CEP112: variants seen among roughly 807,000 people sequenced by gnomAD.
The protein encoded by CEP112 is centrosomal protein 112, also known as centrosomal protein of 112 kDa.
Under a neutral mutation model 153.0 loss-of-function variants are expected in CEP112, and 127 were observed. The observed-to-expected ratio is 0.83, with a 90% confidence interval of 0.72 to 0.96. The LOEUF is 0.96. Among genes scored for constraint, CEP112 ranks in the 40% least tolerant of loss-of-function variants. The pLI, the probability that CEP112 is intolerant of heterozygous loss-of-function variation, is 0.00. For missense variants in CEP112, 1,089 were observed against 1,101.2 expected (o/e 0.99, Z 0.16); for synonymous variants, 358 against 374.4 (o/e 0.96, Z 0.51).
At chr17:65,715,474 G>A (rs1443343983) in intron 23 of CEP112, among the ~76,000 whole-genome samples, 3 of 151,732 alleles carry the variant, frequency 2.0e-5, no homozygotes, top group South Asian at 2.1e-4. Context: ...TTTTTTAGAC[G>A]GAGTCTTGCT....
intron 19 of CEP112, among the ~76,000 whole-genome samples, chr17:65,923,149 AT>A (rs202095417): frequency 1.3e-5 from 2 of 152,082 alleles, no homozygotes; most frequent in East Asian, 1.9e-4. Flanking sequence ...ATATAAAACC[AT>A]TTTTTTAAAA....
At chr17:66,160,589 G>A (rs2071656689) in intron 4 of CEP112, among the ~76,000 whole-genome samples, 1 of 152,142 alleles carries the variant, frequency 6.6e-6, no homozygotes, top group Non-Finnish European at 1.5e-5. Flanking sequence ...ACAAGCAATG[G>A]GGAAAGGATT....
chr17:65,990,504 G>A (rs1199261789), intron 17 of CEP112, among the ~76,000 whole-genome samples: 4 of 152,230 alleles, frequency 2.6e-5, no homozygotes, highest in African/African-American at 9.6e-5. Context: ...GCTTTGCATT[G>A]AACTTAGTGC....
intron 16 of CEP112, among the ~76,000 whole-genome samples, chr17:66,026,235 T>C (rs1465641670): frequency 6.6e-6 from 1 of 152,128 alleles, no homozygotes; most frequent in Non-Finnish European, 1.5e-5. Context: ...TTATGTAATA[T>C]ATCCATGTAA....
At chr17:65,788,763 T>C (rs2054423461) in intron 21 of CEP112, among the ~76,000 whole-genome samples, 1 of 152,214 alleles carries the variant, frequency 6.6e-6, no homozygotes, top group Admixed American at 6.5e-5. Context: ...CTTCTCCCTA[T>C]TTTTCTGACC....
chr17:66,082,863 T>C (rs2067776770), intron 8 of CEP112, among the ~76,000 whole-genome samples: 9 of 151,732 alleles, frequency 5.9e-5, no homozygotes, highest in Admixed American at 5.9e-4. Flanking sequence ...TTAATATTAA[T>C]ATTAATTAGT....
chr17:65,712,411 A>G (rs1252879009), intron 23 of CEP112, among the ~76,000 whole-genome samples: 1 of 151,492 alleles, frequency 6.6e-6, no homozygotes, highest in East Asian at 1.9e-4. Flanking sequence ...CTGTATTTAT[A>G]TGTCAGGTGG....
intron 8 of CEP112, among the ~76,000 whole-genome samples, chr17:66,087,290 G>A (rs2067974931): frequency 6.6e-6 from 1 of 152,050 alleles, no homozygotes; most frequent in Non-Finnish European, 1.5e-5. Flanking sequence ...GCCCCAAGTT[G>A]TCATCAACAA....
intron 12 of CEP112, among the ~76,000 whole-genome samples, chr17:66,037,696 A>C (rs1268046077): frequency 1.3e-5 from 2 of 152,126 alleles, no homozygotes; most frequent in Non-Finnish European, 2.9e-5. Context: ...CAATTACTTC[A>C]TCAGTAATAG....
At chr17:65,835,595 C>G (rs1405017159) in intron 21 of CEP112, among the ~76,000 whole-genome samples, 1 of 152,074 alleles carries the variant, frequency 6.6e-6, no homozygotes, top group Non-Finnish European at 1.5e-5. Flanking sequence ...AGACTGACAA[C>G]TAAGAATACA....
intron 18 of CEP112, among the ~76,000 whole-genome samples, chr17:65,944,847 G>C (rs1328215573): frequency 6.6e-6 from 1 of 151,846 alleles, no homozygotes; most frequent in East Asian, 1.9e-4. Flanking sequence ...AAAAGTTCTG[G>C]GATTATAGGT....
intron 17 of CEP112, among the ~76,000 whole-genome samples, chr17:66,001,095 C>T (rs2064025286): frequency 6.6e-6 from 1 of 152,196 alleles, no homozygotes; most frequent in African/African-American, 2.4e-5. Flanking sequence ...TTGAATGAAG[C>T]TGGATCCAAT....
chr17:66,031,464 TTTTGTTTTG>T (rs1385901992), intron 12 of CEP112, among the ~76,000 whole-genome samples: 9 of 42,200 alleles, frequency 2.1e-4, no homozygotes, highest in African/African-American at 6.7e-4. Flanking sequence ...AAAAACCCAG[TTTTGTTTTG>T]TTTTTTTTTT....
At chr17:66,128,417 C>T (rs995924663) in intron 6 of CEP112, among the ~76,000 whole-genome samples, 1 of 151,870 alleles carries the variant, frequency 6.6e-6, no homozygotes, top group Non-Finnish European at 1.5e-5. Flanking sequence ...TTTCATAATC[C>T]CACCAAGTCA....
At chr17:65,763,603 G>A (rs955400324) in intron 21 of CEP112, among the ~76,000 whole-genome samples, 1 of 151,452 alleles carries the variant, frequency 6.6e-6, no homozygotes. Context: ...GTCTACTGAT[G>A]AGTCTATCAC....
chr17:65,992,388 C>T (rs2145267664), intron 17 of CEP112, among the ~76,000 whole-genome samples: 1 of 152,158 alleles, frequency 6.6e-6, no homozygotes. Flanking sequence ...ATTATAAAAA[C>T]TATGCATATT....
intron 23 of CEP112, among the ~76,000 whole-genome samples, chr17:65,697,537 A>AT (rs539295844): frequency 3.9e-4 from 59 of 149,980 alleles, no homozygotes; most frequent in Middle Eastern, 3.4e-3. Context: ...TTACAGACTT[A>AT]TTTTTTTTTT....
At chr17:66,185,267 C>T (rs2072881441) in intron 1 of CEP112, among the ~76,000 whole-genome samples, 1 of 152,158 alleles carries the variant, frequency 6.6e-6, no homozygotes, top group African/African-American at 2.4e-5. Context: ...GTTCTCCAGG[C>T]TATGGAGTGC....
intron 20 of CEP112, among the ~76,000 whole-genome samples, chr17:65,878,013 G>A (rs890317012): frequency 6.6e-6 from 1 of 152,202 alleles, no homozygotes; most frequent in Admixed American, 6.5e-5. Flanking sequence ...ACAGAGAACA[G>A]AATAGGCAAC....
Sources: allele counts gnomAD v4.1 joint callset (sites outside exome capture counted in the v4.1 genomes callset), GRCh38; gene constraint gnomAD v4.1.1; transcripts MANE v1.5; gene names NCBI Gene and HGNC (gene_info 2026-07-23, HGNC 2026-07-21).